The following ABCB10 variants were observed in gnomAD, a reference collection of about 807,000 sequenced individuals.
The protein encoded by ABCB10 is ATP-binding cassette sub-family B member 10, mitochondrial.
In ABCB10, 54 loss-of-function variants were observed where a neutral mutation model predicts 65.4. The observed-to-expected ratio is 0.83, with a 90% CI of 0.66 to 1.04. The LOEUF (loss-of-function observed/expected upper bound fraction) is 1.04. Ranked by LOEUF, ABCB10 falls within the 50% of genes least tolerant of loss-of-function variation. The probability of loss-of-function intolerance (pLI) is 0.00; values close to 1 mark genes in which losing one functional copy is unlikely to be tolerated. For synonymous variants in ABCB10, 418 were observed against 406.5 expected, an observed-to-expected ratio of 1.03 and a Z score of -0.34; for missense variants, 846 against 976.6, an observed-to-expected ratio of 0.87 and a Z score of 1.78.
In ABCB10 at chr1:229,518,281, G is replaced by A. The variant is rs1662223782; in HGVS notation, c.2115C>T (p.Asp705=). The A allele has an allele frequency of 6.2e-7, 1 of 1,613,918 alleles. No individual in the cohort carries two copies. Among genetic ancestry groups the A allele is most frequent in the African/African-American group, 1.3e-5 (1 of 74,866 alleles). ...IKNANMVAVL[D]QGKITEYGKH... is the part of the protein sequence containing the mutation. ...TTCCATATTCAGTAATTTTTCCTTG[G>A]TCAAGAACAGCAACCATATTAGCAT... The change falls in exon 13 of 13, where the codon GAC becomes GAT. Residue 705 remains aspartate (D), a synonymous_variant. Transcript: ENST00000344517.
intron 3 of ABCB10, among the ~76,000 whole-genome samples, chr1:229,544,416 CAAAAAAA>C (rs35004821): frequency 8.2e-5 from 5 of 61,006 alleles, no homozygotes; most frequent in East Asian, 1.0e-3. Flanking sequence ...GACCTTCTCT[CAAAAAAA>C]AAAAAAAAAA....
chr1:229,540,849 T>A (rs1475588531), intron 4 of ABCB10, 97 bp from the exon 5 acceptor site: 1 of 1,377,012 alleles, frequency 7.3e-7, no homozygotes, highest in African/African-American at 1.5e-5. Flanking sequence ...TTGTTATTCA[T>A]TAGAAAGAAA....
chr1:229,533,488 G>GT (rs1662634452), intron 6 of ABCB10, among the ~76,000 whole-genome samples: 1 of 152,146 alleles, frequency 6.6e-6, no homozygotes, highest in South Asian at 2.1e-4. Flanking sequence ...ACATACATTT[G>GT]TAACATTTTC....
In ABCB10 at chr1:229,539,990, G is replaced by A. The variant is rs373536363; in HGVS notation, c.1204-399C>T. Reference sequence around the variant, plus strand: ...AGCTGGACTCCTGTATGTATGGCCTGCTTTTACCATGGTTACGTGTGTGGT... The same window carrying A: ...AGCTGGACTCCTGTATGTATGGCCTACTTTTACCATGGTTACGTGTGTGGT... On this transcript the variant is annotated intron_variant, in intron 5 of 12. Transcript: ENST00000344517. Among the ~76,000 whole-genome samples, 84 of 152,328 alleles carry A rather than the reference G, an allele frequency of 5.5e-4. No homozygotes were observed. The South Asian group carries it at 0.017, about 31-fold the overall frequency.
intron 10 of ABCB10, among the ~76,000 whole-genome samples, chr1:229,524,232 C>CTCACTG (rs1662379752): frequency 6.6e-6 from 1 of 151,914 alleles, no homozygotes; most frequent in Non-Finnish European, 1.5e-5. Context: ...GCGATCCCAG[C>CTCACTG]TCACTGCAAC....
intron 3 of ABCB10, among the ~76,000 whole-genome samples, chr1:229,543,495 C>T (rs1016797665): frequency 1.5e-4 from 23 of 152,090 alleles, no homozygotes; most frequent in African/African-American, 5.6e-4. Context: ...CAAACTGAAA[C>T]ATAAGTGGAT....
chr1:229,544,497 T>C (rs1662924045), intron 3 of ABCB10, among the ~76,000 whole-genome samples: 1 of 151,376 alleles, frequency 6.6e-6, no homozygotes, highest in Non-Finnish European at 1.5e-5. Context: ...AATTAATAAA[T>C]TGGCAGTATG....
At chr1:229,528,551 C>A (rs1276302424) in intron 8 of ABCB10, among the ~76,000 whole-genome samples, 1 of 152,028 alleles carries the variant, frequency 6.6e-6, no homozygotes, top group South Asian at 2.1e-4. Context: ...TGTAGTAAGC[C>A]CCATTTTAAC....
chr1:229,556,625 G>A (rs1326478048), intron 1 of ABCB10, among the ~76,000 whole-genome samples: 8 of 152,170 alleles, frequency 5.3e-5, no homozygotes, highest in African/African-American at 1.9e-4. Context: ...CAGGAACAAT[G>A]GTCATGGCAT....
At chr1:229,537,168 A>C (rs1433008807) in intron 6 of ABCB10, among the ~76,000 whole-genome samples, 1 of 152,258 alleles carries the variant, frequency 6.6e-6, no homozygotes, top group East Asian at 1.9e-4. Context: ...TAGACTGCTT[A>C]ATGAATATTG....
intron 1 of ABCB10, among the ~76,000 whole-genome samples, chr1:229,550,262 A>G (rs753003346): frequency 1.5e-4 from 23 of 152,202 alleles, no homozygotes; most frequent in Non-Finnish European, 3.2e-4. Flanking sequence ...ACAGTGGCTC[A>G]TGCCTGTAAT....
At chr1:229,535,799 C>T (rs1052761141) in intron 6 of ABCB10, among the ~76,000 whole-genome samples, 2 of 151,562 alleles carry the variant, frequency 1.3e-5, no homozygotes, top group African/African-American at 2.4e-5. Context: ...AATCCCAGCT[C>T]GCTGCAACCT....
chr1:229,547,351 G>A (rs1470610786), intron 3 of ABCB10, 148 bp downstream of exon 3: 7 of 807,014 alleles, frequency 8.7e-6, no homozygotes, highest in African/African-American at 5.3e-5. Context: ...CAATCCCCAC[G>A]TTCCAGCAGC....
At chr1:229,519,069 GGCACTTCT>G in intron 11 of ABCB10, 194 bp from the exon 12 acceptor site, 1 of 455,794 alleles carries the variant, frequency 2.2e-6, no homozygotes, top group South Asian at 3.4e-5. Context: ...GTCCACAACA[GGCACTTCT>G]ACAGATGGTG....
intron 3 of ABCB10, among the ~76,000 whole-genome samples, chr1:229,546,146 C>T (rs551774346): frequency 4.2e-5 from 6 of 144,366 alleles, no homozygotes; most frequent in East Asian, 4.0e-4. Flanking sequence ...CACTTCAGCC[C>T]GGATGACAGT....
intron 1 of ABCB10, among the ~76,000 whole-genome samples, chr1:229,551,261 C>T (rs543401367): frequency 1.2e-4 from 19 of 152,268 alleles, no homozygotes; most frequent in Admixed American, 2.0e-4. Context: ...AAAAGGCCTG[C>T]TCTGACAGCC....
rs1663312454 is a variant in ABCB10 at position 229,558,278 on chromosome 1, A to G, written c.375T>C (p.Ala125=). The part of the protein sequence containing the change: ...RARFPGGPAA[A]AWAGDEAWRR... Reference sequence around the variant, plus strand: ...GCCAGGCCTCGTCCCCTGCCCAGGCAGCGGCTGCGGGACCGCCCGGGAACC... The same window carrying G: ...GCCAGGCCTCGTCCCCTGCCCAGGCGGCGGCTGCGGGACCGCCCGGGAACC... The change falls in exon 1 of 13, where the codon GCT becomes GCC. Residue 125 remains alanine (A), a synonymous_variant. Coordinates refer to ENST00000344517, the MANE Select transcript of ABCB10 (RefSeq NM_012089.3). 8.0e-7 allele frequency: 1 copy of G among 1,255,364 alleles called. No individual in the cohort carries two copies. Among genetic ancestry groups the G allele is most frequent in the Non-Finnish European group, 1.0e-6 (1 of 1,003,364 alleles). The allele number at this position is 1,255,364 out of a possible 1,614,324, so 77.8% of individuals were successfully genotyped here.
chr1:229,545,725 T>C (rs1400036677), intron 3 of ABCB10, among the ~76,000 whole-genome samples: 1 of 152,226 alleles, frequency 6.6e-6, no homozygotes, highest in Non-Finnish European at 1.5e-5. Flanking sequence ...ACACCAGATT[T>C]GGAAATTCAG....
Position 229,521,647 on chromosome 1 carries a change from A to G in ABCB10, c.1907-12T>C. The G allele has an allele frequency of 2.5e-6, 4 of 1,613,106 alleles. No individual in the cohort carries two copies. The highest frequency in any genetic ancestry group is 3.4e-6 in the Non-Finnish European group (4 of 1,179,466). ...CTGTTTCTGCCCACCTGACAAAGAC[A>G]ACATTTAAAAAAAGAAGGCCTCAAC... is the stretch of plus-strand genomic sequence containing the variant. On this transcript the variant is annotated splice_polypyrimidine_tract_variant and intron_variant, in intron 10 of 12. Coordinates refer to ENST00000344517, the MANE Select transcript of ABCB10 (RefSeq NM_012089.3).
Sources: allele counts gnomAD v4.1 joint callset (sites outside exome capture counted in the v4.1 genomes callset), GRCh38; gene constraint gnomAD v4.1.1; transcripts MANE v1.5; gene names NCBI Gene and HGNC (gene_info 2026-07-23, HGNC 2026-07-21).